Variants in IFT70B observed in about 807,000 individuals in gnomAD.
IFT70B encodes intraflagellar transport protein 70B.
the IFT70B span, chr2:177,551,082 T>C: frequency 6.2e-7 from 1 of 1,614,194 alleles, no homozygotes; most frequent in Non-Finnish European, 8.5e-7. Flanking sequence ...AATACCAAAG[T>C]CATAATTTCC....
At chr2:177,551,940 G>A in the IFT70B span, 1 of 1,614,228 alleles carries the variant, frequency 6.2e-7, no homozygotes. Flanking sequence ...TGGCATGTCA[G>A]TGAGGGCTTC....
At chr2:177,549,995 A>G in the IFT70B span, 2 of 152,216 alleles carry the variant, frequency 1.3e-5, no homozygotes, top group African/African-American at 2.4e-5. Context: ...GGCAACAAAC[A>G]TAACAAAACC....
the IFT70B span, chr2:177,549,543 A>G: frequency 6.6e-6 from 1 of 152,246 alleles, no homozygotes; most frequent in Non-Finnish European, 1.5e-5. Context: ...CAAAATCAAC[A>G]ACTGCATATG....
the IFT70B span, chr2:177,551,929 G>C: frequency 6.2e-7 from 1 of 1,614,176 alleles, no homozygotes; most frequent in Non-Finnish European, 8.5e-7. Context: ...TCTGCCCTGG[G>C]TGGCATGTCA....
At chr2:177,552,721 TG>T in the IFT70B span, 1 of 1,590,538 alleles carries the variant, frequency 6.3e-7, no homozygotes, top group Non-Finnish European at 8.6e-7. Flanking sequence ...ACGACCGCGG[TG>T]AACTCCCCGT....
the IFT70B span, chr2:177,552,327 T>C: frequency 1.9e-6 from 3 of 1,614,134 alleles, no homozygotes; most frequent in South Asian, 3.3e-5. Context: ...CCCACTTTCC[T>C]CTCCCCCTTC....
At chr2:177,551,886 T>C in the IFT70B span, 1 of 1,614,252 alleles carries the variant, frequency 6.2e-7, no homozygotes, top group Non-Finnish European at 8.5e-7. Flanking sequence ...CATTAGTGCC[T>C]GGTTGTGTAG....
At chr2:177,551,711 A>G in the IFT70B span, 1 of 1,614,234 alleles carries the variant, frequency 6.2e-7, no homozygotes. Flanking sequence ...TGAGGAACTT[A>G]TAAATCAAAT....
At chr2:177,550,716 T>A in the IFT70B span, 1 of 1,460,344 alleles carries the variant, frequency 6.8e-7, no homozygotes, top group Non-Finnish European at 9.2e-7. Context: ...AATAAAGCGA[T>A]GCAAATTTAC....
chr2:177,551,925 C>G, the IFT70B span: 2 of 1,614,180 alleles, frequency 1.2e-6, no homozygotes, highest in Non-Finnish European at 1.7e-6. Context: ...TTCCTCTGCC[C>G]TGGGTGGCAT....
chr2:177,550,909 A>C, the IFT70B span: 1 of 1,614,164 alleles, frequency 6.2e-7, no homozygotes, highest in Non-Finnish European at 8.5e-7. Flanking sequence ...TGAAGTTCAC[A>C]GTGTTCTAGA....
the IFT70B span, chr2:177,550,552 A>T: frequency 2.3e-6 from 1 of 443,100 alleles, no homozygotes; most frequent in Non-Finnish European, 3.9e-6. Context: ...CATTCCTCAT[A>T]AGTTTGGAAT....
chr2:177,552,372 C>A, the IFT70B span: 1 of 1,614,160 alleles, frequency 6.2e-7, no homozygotes, highest in Non-Finnish European at 8.5e-7. Flanking sequence ...GCTCCTGGAC[C>A]CTGGCAGATC....
chr2:177,550,993 G>C, the IFT70B span: 2 of 1,614,188 alleles, frequency 1.2e-6, no homozygotes, highest in Non-Finnish European at 1.7e-6. Context: ...AACAAGGACA[G>C]GAAGCATCTT....
chr2:177,552,246 G>A, the IFT70B span: 3 of 1,614,268 alleles, frequency 1.9e-6, no homozygotes. Flanking sequence ...CTTGGAGCAT[G>A]CAGCTTCATA....
chr2:177,552,054 C>G, the IFT70B span: 2 of 1,614,184 alleles, frequency 1.2e-6, no homozygotes, highest in Admixed American at 1.7e-5. Flanking sequence ...GCCAACACTG[C>G]GAACATCAAT....
At chr2:177,552,562 A>G in the IFT70B span, 3 of 1,600,416 alleles carry the variant, frequency 1.9e-6, no homozygotes, top group Admixed American at 3.4e-5. Context: ...AGCTGCTCAT[A>G]GCACTCGGCC....
At chr2:177,551,827 G>A in the IFT70B span, 2 of 1,614,258 alleles carry the variant, frequency 1.2e-6, no homozygotes, top group East Asian at 2.2e-5. Context: ...TTCTGTTGGA[G>A]CAAAAACTGT....
the IFT70B span, chr2:177,550,938 A>T: frequency 6.2e-7 from 1 of 1,614,176 alleles, no homozygotes; most frequent in Non-Finnish European, 8.5e-7. Context: ...ACATTCTTGA[A>T]TAACACTATC....
Sources: allele counts gnomAD v4.1 joint callset, GRCh38; gene constraint gnomAD v4.1.1; transcripts MANE v1.5; gene names NCBI Gene and HGNC (gene_info 2026-07-23, HGNC 2026-07-21).